Variants in NOVA1 observed in about 807,000 individuals in gnomAD.
NOVA1 encodes the protein NOVA alternative splicing regulator 1.
A neutral mutation model predicts 38.0 loss-of-function variants in NOVA1; 7 were observed. The ratio of observed to expected loss-of-function variants is 0.18; its 90% CI spans 0.10 to 0.35. The LOEUF is 0.35. Ranked by LOEUF, NOVA1 falls within the 10% of genes least tolerant of loss-of-function variation. The pLI, the probability that NOVA1 is intolerant of heterozygous loss-of-function variation, is 1.00. For missense variants in NOVA1, 460 were observed against 616.0 expected, an observed-to-expected ratio of 0.75 and a Z score of 2.68; for synonymous variants, 270 against 232.5, an observed-to-expected ratio of 1.16 and a Z score of -1.47.
At chr14:26,470,478 A>C in intron 4 of NOVA1, 1 of 1,554,918 alleles carries the variant, frequency 6.4e-7, no homozygotes, top group Non-Finnish European at 8.9e-7. Flanking sequence ...GATATCCAGG[A>C]GATATTATGC....
intron 2 of NOVA1, among the ~76,000 whole-genome samples, chr14:26,578,168 A>C (rs1892980237): frequency 3.3e-5 from 5 of 152,180 alleles, no homozygotes; most frequent in Admixed American, 2.6e-4. Context: ...AAAGTATAGA[A>C]GCTACCAGTG....
At chr14:26,575,602 C>G (rs894518312) in intron 2 of NOVA1, among the ~76,000 whole-genome samples, 3 of 151,966 alleles carry the variant, frequency 2.0e-5, no homozygotes, top group Non-Finnish European at 4.4e-5. Context: ...TACAGTTTTC[C>G]TTTTTCACAA....
chr14:26,523,322 T>C (rs75502747), intron 2 of NOVA1, among the ~76,000 whole-genome samples: 3,583 of 152,336 alleles, frequency 0.024, 115 homozygotes, highest in African/African-American at 0.072. Context: ...ATTATTTTAG[T>C]GCAGCTATAG....
Position 26,445,722 on chromosome 14 carries a change from C to T in NOVA1, c.*2237G>A, listed in dbSNP as rs1444605833. 6.6e-6 allele frequency: 1 copy of T among 152,226 alleles called. No individual in the cohort carries two copies. The highest frequency in any genetic ancestry group is 2.4e-5 in the African/African-American group (1 of 41,426). 9.4% of individuals were successfully genotyped at this position (152,226 alleles called of 1,614,324 possible). ...GTACACATCCTAGATCACTTCCTTT[C>T]CCTTTTTCAAACTAAGTGGGGCCCC... On this transcript the variant is annotated 3_prime_UTR_variant, in exon 5 of 5. Transcript: ENST00000539517.
At position 26,537,883 on chromosome 14, in the gene NOVA1, G is replaced by A. The variant is rs566489267; in HGVS notation, c.280+57527C>T. Among the ~76,000 whole-genome samples the A allele has an allele frequency of 1.9e-4, 29 of 152,262 alleles. 1 individual carries two copies. The South Asian group carries it at 3.9e-3, about 21-fold the overall frequency. ...ATATTATATTAGGAAACTGGGAATA[G>A]CTCCTCTATGGATATGACATTTGAA... On this transcript the variant is annotated intron_variant, in intron 2 of 4. Transcript: ENST00000539517.
intron 2 of NOVA1, among the ~76,000 whole-genome samples, chr14:26,542,608 A>G (rs1250982633): frequency 6.6e-6 from 1 of 151,560 alleles, no homozygotes; most frequent in Non-Finnish European, 1.5e-5. Flanking sequence ...TTATAGGAAT[A>G]TTATTCTTTT....
intron 2 of NOVA1, among the ~76,000 whole-genome samples, chr14:26,498,595 A>G (rs1197168510): frequency 6.6e-6 from 1 of 152,174 alleles, no homozygotes; most frequent in Admixed American, 6.5e-5. Context: ...AGCCATGATT[A>G]CAGACATTTG....
chr14:26,498,838 T>C (rs1887031823), intron 2 of NOVA1, among the ~76,000 whole-genome samples: 1 of 152,186 alleles, frequency 6.6e-6, no homozygotes, highest in Non-Finnish European at 1.5e-5. Context: ...CCAGTCTCCT[T>C]ATAAACATTT....
intron 2 of NOVA1, among the ~76,000 whole-genome samples, chr14:26,554,574 A>G (rs1278961771): frequency 3.9e-5 from 6 of 152,152 alleles, no homozygotes; most frequent in African/African-American, 1.4e-4. Flanking sequence ...TCAGAAATCT[A>G]TGACATCATC....
chr14:26,463,665 A>T (rs1414382184), intron 4 of NOVA1, among the ~76,000 whole-genome samples: 1 of 152,128 alleles, frequency 6.6e-6, no homozygotes, highest in Non-Finnish European at 1.5e-5. Context: ...AAAATAATAA[A>T]TGTTTATATA....
intron 3 of NOVA1, chr14:26,478,910 T>TA (rs1885209486): frequency 6.6e-6 from 1 of 151,888 alleles, no homozygotes; most frequent in Non-Finnish European, 1.5e-5. Context: ...GTCTATAATT[T>TA]GAAAATATAT....
intron 2 of NOVA1, among the ~76,000 whole-genome samples, chr14:26,501,741 G>T (rs1177555047): frequency 6.6e-6 from 1 of 151,850 alleles, no homozygotes; most frequent in Non-Finnish European, 1.5e-5. Context: ...TGGTACAAAA[G>T]ATTTTAAACA....
intron 4 of NOVA1, among the ~76,000 whole-genome samples, chr14:26,468,560 T>C (rs1884333076): frequency 6.6e-6 from 1 of 152,108 alleles, no homozygotes; most frequent in African/African-American, 2.4e-5. Flanking sequence ...TATACAGCAA[T>C]AGAAAACTAA....
At chr14:26,468,129 C>A (rs574018114) in intron 4 of NOVA1, among the ~76,000 whole-genome samples, 9 of 152,166 alleles carry the variant, frequency 5.9e-5, no homozygotes, top group African/African-American at 1.9e-4. Context: ...TATAAGACTC[C>A]ATTTTTGCTG....
At chr14:26,497,441 A>T (rs1886903719) in intron 2 of NOVA1, among the ~76,000 whole-genome samples, 1 of 152,248 alleles carries the variant, frequency 6.6e-6, no homozygotes, top group Admixed American at 6.5e-5. Context: ...ATGTCAAAAG[A>T]AGAGGGAAAA....
At chr14:26,463,070 A>G (rs1883822695) in intron 4 of NOVA1, among the ~76,000 whole-genome samples, 1 of 152,144 alleles carries the variant, frequency 6.6e-6, no homozygotes, top group Non-Finnish European at 1.5e-5. Context: ...ATTCTAGGCT[A>G]GTTTATGCAG....
intron 2 of NOVA1, among the ~76,000 whole-genome samples, chr14:26,482,614 C>T (rs1487935011): frequency 6.6e-6 from 1 of 152,142 alleles, no homozygotes; most frequent in African/African-American, 2.4e-5. Context: ...CTCTTTGAAA[C>T]ACACTAGCAA....
rs8016218 is a variant in NOVA1, at chr14:26,556,483, T to C, written c.280+38927A>G. 3.8e-3 allele frequency among the ~76,000 whole-genome samples: 580 copies of C among 152,194 alleles called. 6 individuals are homozygous for C. Among genetic ancestry groups the C allele is most frequent in the African/African-American group, 0.013 (555 of 41,542 alleles). On this transcript the variant is annotated intron_variant, in intron 2 of 4. Coordinates refer to ENST00000539517, the MANE Select transcript of NOVA1 (RefSeq NM_002515.3). ...TAAAAAATAAAATAAAAAACTAATC[T>C]AAATACAAATCATAAACCTTTCACA... is the stretch of plus-strand genomic sequence containing the variant.
Position 26,445,548 on chromosome 14 carries a change from G to A in NOVA1, c.*2411C>T, listed in dbSNP as rs2138535488. ...ACTAGCTAATAAAACACACATAATT[G>A]TTTAAATGGTTTGGCTTCAAAGTAA... On this transcript the variant is annotated 3_prime_UTR_variant, in exon 5 of 5. Transcript: ENST00000539517. 6.6e-6 allele frequency: 1 copy of A among 152,242 alleles called. No homozygotes were observed. The highest frequency in any genetic ancestry group is 2.1e-4 in the South Asian group (1 of 4,830). The allele number at this position is 152,242 out of a possible 1,614,324, so 9.4% of individuals were successfully genotyped here. A position where few individuals can be genotyped will look rare whatever the true frequency, so the allele number is the denominator to read the frequency against.
Sources: gnomAD v4.1 joint callset for allele counts (sites outside exome capture counted in the v4.1 genomes callset) on GRCh38, gnomAD v4.1.1 for gene constraint, MANE v1.5 for transcripts, NCBI Gene and HGNC (gene_info 2026-07-23, HGNC 2026-07-21) for gene names.